DNAJC9: variants seen among roughly 807,000 people sequenced by gnomAD.
DNAJC9 encodes the protein DnaJ heat shock protein family (Hsp40) member C9.
A neutral mutation model predicts 32.4 loss-of-function variants in DNAJC9; 18 were observed. The ratio of observed to expected loss-of-function variants is 0.56; its 90% CI spans 0.38 to 0.82. The LOEUF (loss-of-function observed/expected upper bound fraction) is 0.82. DNAJC9 is among the 40% of genes least tolerant of loss of function. DNAJC9 has a pLI of 0.00. For missense variants in DNAJC9, 310 were observed against 321.8 expected (o/e 0.96, Z 0.28); for synonymous variants, 113 against 122.1 (o/e 0.93, Z 0.49).
intron 3 of DNAJC9, 108 bp downstream of exon 3, chr10:73,245,814 C>T (rs567470478): frequency 5.3e-5 from 74 of 1,391,270 alleles, no homozygotes; most frequent in Admixed American, 5.0e-4. Flanking sequence ...ACCAAGTTAA[C>T]CCTAGTCCTT....
At chr10:73,246,962 G>A (rs769041207) in intron 1 of DNAJC9, 48 bp downstream of exon 1, 3 of 1,553,920 alleles carry the variant, frequency 1.9e-6, no homozygotes, top group Admixed American at 3.8e-5. Flanking sequence ...CAAAAGGCTA[G>A]GGGGAGGCCC....
chr10:73,236,016 G>C (rs747889045), downstream of DNAJC9, among the ~76,000 whole-genome samples: 3 of 152,180 alleles, frequency 2.0e-5, no homozygotes, highest in Non-Finnish European at 4.4e-5. Flanking sequence ...AGCACTTGGA[G>C]AGCCTGGGGA....
At chr10:73,236,209 G>A (rs2043817863), downstream of DNAJC9, among the ~76,000 whole-genome samples, 1 of 148,968 alleles carries the variant, frequency 6.7e-6, no homozygotes, top group Admixed American at 6.6e-5. Context: ...CTTAAGAAAT[G>A]ACCAAACAAC....
downstream of DNAJC9, chr10:73,241,115 A>T: frequency 1.3e-6 from 1 of 763,678 alleles, no homozygotes; most frequent in South Asian, 1.5e-5. Context: ...TAGAAGATCG[A>T]CTAGAAATCA....
At chr10:73,246,208 GGAATTTTACTTTAAAT>G in intron 2 of DNAJC9, 32 bp from the exon 3 acceptor site, 9 of 1,582,990 alleles carry the variant, frequency 5.7e-6, no homozygotes, top group Non-Finnish European at 7.7e-6. Context: ...TTTAACTTTG[GGAATTTTACTTTAAAT>G]AAAACGTACG....
At chr10:73,235,322 G>A (rs1325938306), downstream of DNAJC9, 1 of 1,551,954 alleles carries the variant, frequency 6.4e-7, no homozygotes, top group South Asian at 1.2e-5. Flanking sequence ...ATTTTTGGTA[G>A]AGTGACGTAC....
chr10:73,232,984 C>A (rs1226983448), intron 2 of DNAJC9: 1 of 1,551,918 alleles, frequency 6.4e-7, no homozygotes, highest in South Asian at 1.2e-5. Flanking sequence ...CCAGTACCAT[C>A]CTTTCAACTC....
intron 1 of DNAJC9, 90 bp downstream of exon 1, chr10:73,246,920 C>T: frequency 6.3e-7 from 1 of 1,591,618 alleles, no homozygotes; most frequent in Non-Finnish European, 8.6e-7. Flanking sequence ...AAGCGGAGCT[C>T]AGCGCGCTCC....
intron 3 of DNAJC9, chr10:73,244,192 A>C: frequency 7.1e-6 from 3 of 423,570 alleles, no homozygotes; most frequent in Non-Finnish European, 4.2e-6. Context: ...CATAAATCAC[A>C]TGATGATAAA....
chr10:73,239,878 TTTAAA>T (rs1469590595), downstream of DNAJC9, among the ~76,000 whole-genome samples: 5 of 152,254 alleles, frequency 3.3e-5, no homozygotes, highest in African/African-American at 7.2e-5. Flanking sequence ...TCTTTTTATC[TTTAAA>T]TTATACTCTG....
rs780655376 is a variant in DNAJC9 at position 73,245,953 on chromosome 10, G to A, written c.545C>T (p.Ser182Leu). 7.4e-6 allele frequency: 12 copies of A among 1,611,006 alleles called. No homozygotes were observed. The highest frequency in any genetic ancestry group is 2.2e-5 in the East Asian group (1 of 44,846). ...VPSYNAFVKE[S>L]KQKMNARKRR... is the part of the protein sequence containing the mutation. ...TTTCCTTGCATTCATCTTTTGTTTCGATTCTTTGACAAAGGCATTATAGGA... is the reference window on the plus strand; with the variant it reads ...TTTCCTTGCATTCATCTTTTGTTTCAATTCTTTGACAAAGGCATTATAGGA... Residue 182 changes from serine (S) to leucine (L), a missense_variant, in exon 3 of 5, where the codon TCG (serine) becomes TTG (leucine). By Grantham distance (145) the Ser-to-Leu change is moderately radical. Transcript: ENST00000372950.
Position 73,243,893 on chromosome 10 carries a change from T to C in DNAJC9, c.613A>G (p.Lys205Glu). The C allele has an allele frequency of 6.2e-7, 1 of 1,614,124 alleles. No homozygotes were observed. Among genetic ancestry groups the C allele is most frequent in the South Asian group, 1.1e-5 (1 of 91,070 alleles). Residue 205 changes from lysine to glutamate, a missense_variant, in exon 4 of 5, where the codon AAG becomes GAG. By Grantham distance (56) the Lys-to-Glu change is moderately conservative. Transcript: ENST00000372950. ...ACGCCTTCATCAAGCCCCAACTCCT[T>C]TCTGCTCATTTCTGCTTCTTTGGCC... ...EEAKEAEMSR[K>E]ELGLDEGVDS...
downstream of DNAJC9, chr10:73,234,780 G>A (rs1463468640): frequency 1.3e-6 from 2 of 1,548,190 alleles, no homozygotes; most frequent in South Asian, 1.2e-5. Context: ...ATAACTTCAT[G>A]CTTTCATACC....
At chr10:73,232,884 T>C (rs2043738413) in intron 2 of DNAJC9, 1 of 1,075,344 alleles carries the variant, frequency 9.3e-7, no homozygotes. Context: ...GTTAGTCTTG[T>C]CTTCCTTGAC....
chr10:73,237,966 TAAAAA>T (rs140492282), downstream of DNAJC9, among the ~76,000 whole-genome samples: 21 of 151,272 alleles, frequency 1.4e-4, no homozygotes, highest in Non-Finnish European at 2.7e-4. Flanking sequence ...TTAAGTTTAT[TAAAAA>T]AAAAGTAAAA....
downstream of DNAJC9, chr10:73,235,054 AAC>A (rs746797586): frequency 1.7e-4 from 255 of 1,464,748 alleles, no homozygotes; most frequent in Non-Finnish European, 2.2e-4. Flanking sequence ...CAAAAGTACA[AAC>A]ACAGTGCTAA....
In DNAJC9 at chr10:73,243,504, G is replaced by C. The variant is rs753627085; in HGVS notation, c.679C>G (p.Arg227Gly). 3 of 1,613,810 alleles carry C rather than the reference G, an allele frequency of 1.9e-6. No individual in the cohort carries two copies. The highest frequency in any genetic ancestry group is 1.3e-5 in the African/African-American group (1 of 74,826). The change falls in exon 5 of 5, where the codon CGG becomes GGG. Residue 227 changes from arginine (R) to glycine (G), a missense_variant. By Grantham distance (125) the Arg-to-Gly change is moderately radical. Transcript: ENST00000372950. ...KAAIQSRQKD[R>G]QKEMDNFLAQ... ...AGAAAATTGTCCATTTCCTTTTGCC[G>C]ATCCTTTTGTCTGCTCTGTTTGAGA...
downstream of DNAJC9, chr10:73,239,393 G>A (rs544893875): frequency 7.1e-6 from 11 of 1,550,126 alleles, no homozygotes; most frequent in African/African-American, 1.2e-4. Context: ...AGGTAAAGGT[G>A]GGGCCATGGC....
rs143873386 is a variant in DNAJC9, at chr10:73,242,961, C to T, written c.*439G>A. ...GAGGATCTATTCAAGATCATTAAGA[C>T]CAAATGTAAACTGGGAAGTATGTGG... On this transcript the variant is annotated 3_prime_UTR_variant, in exon 5 of 5. Transcript: ENST00000372950. 8.5e-5 allele frequency: 14 copies of T among 164,524 alleles called. No homozygotes were observed. Among genetic ancestry groups the T allele is most frequent in the African/African-American group, 1.4e-4 (6 of 41,642 alleles). 10.2% of individuals were successfully genotyped at this position (164,524 alleles called of 1,614,324 possible). A position where few individuals can be genotyped will look rare whatever the true frequency, so the allele number is the denominator to read the frequency against.
Sources: allele counts gnomAD v4.1 joint callset (sites outside exome capture counted in the v4.1 genomes callset), GRCh38; gene constraint gnomAD v4.1.1; transcripts MANE v1.5; gene names NCBI Gene and HGNC (gene_info 2026-07-23, HGNC 2026-07-21).